The following RASGRF1 variants were observed in gnomAD, a reference collection of about 807,000 sequenced individuals.
RASGRF1 encodes the protein ras-specific guanine nucleotide-releasing factor 1.
A neutral mutation model predicts 138.7 loss-of-function variants in RASGRF1; 40 were observed. The observed-to-expected ratio is 0.29, with a 90% CI of 0.22 to 0.38. RASGRF1 has a LOEUF of 0.38. Ranked by LOEUF, RASGRF1 falls within the 10% of genes least tolerant of loss-of-function variation. RASGRF1 has a pLI of 1.00. For synonymous variants in RASGRF1, 614 were observed against 663.2 expected, an observed-to-expected ratio of 0.93 and a Z score of 1.14; for missense variants, 1,108 against 1,650.4, an observed-to-expected ratio of 0.67 and a Z score of 5.69.
chr15:79,090,579 C>T lies in RASGRF1; in HGVS notation c.-81G>A, dbSNP rs970478278. The T allele has an allele frequency of 1.9e-6, 3 of 1,557,074 alleles. No individual in the cohort carries two copies. The highest frequency in any genetic ancestry group is 2.4e-5 in the South Asian group (2 of 84,218). ...CCCCGTCCGTGCGCGCTGCGCGCTG[C>T]CTCTCTCTGGCGCTCGCTCGCTCGC... On this transcript the variant is annotated 5_prime_UTR_variant, in exon 1 of 27. Transcript: ENST00000558480.
At chr15:78,997,460 T>C (rs969753361) in intron 19 of RASGRF1, among the ~76,000 whole-genome samples, 3 of 152,140 alleles carry the variant, frequency 2.0e-5, no homozygotes, top group African/African-American at 7.2e-5. Context: ...AGGCCGGGCA[T>C]AGTGGCTCAT....
intron 5 of RASGRF1, among the ~76,000 whole-genome samples, chr15:79,040,793 C>G (rs2057287943): frequency 6.6e-6 from 1 of 152,180 alleles, no homozygotes; most frequent in Non-Finnish European, 1.5e-5. Context: ...TTTAAAATGC[C>G]AAGTTCATTG....
intron 16 of RASGRF1, among the ~76,000 whole-genome samples, chr15:79,000,922 G>A (rs1398560142): frequency 2.0e-5 from 3 of 152,140 alleles, no homozygotes; most frequent in Admixed American, 6.5e-5. Flanking sequence ...GGCTGCAGGC[G>A]GCCCTTTGCA....
chr15:79,057,363 C>T (rs1304535038), intron 3 of RASGRF1, among the ~76,000 whole-genome samples: 1 of 152,234 alleles, frequency 6.6e-6, no homozygotes, highest in Non-Finnish European at 1.5e-5. Context: ...TGCCTGTCTG[C>T]CATGAGTCAA....
intron 1 of RASGRF1, among the ~76,000 whole-genome samples, chr15:79,079,114 C>T (rs532700005): frequency 5.3e-5 from 8 of 152,230 alleles, no homozygotes; most frequent in Non-Finnish European, 7.3e-5. Context: ...CTTCTGTCTG[C>T]GGAAGGGTCT....
chr15:79,082,922 G>A lies in RASGRF1; in HGVS notation c.276+7301C>T, dbSNP rs138019444. Among the ~76,000 whole-genome samples, 1,039 of 152,284 alleles carry A rather than the reference G, an allele frequency of 6.8e-3. 14 individuals carry two copies. Among genetic ancestry groups the A allele is most frequent in the African/African-American group, 0.024 (1,008 of 41,554 alleles). ...CACTGCTATAGTGAGGAACAGTCTT[G>A]TCATAAAGGTGGAAGCCAAAGCCCC... On this transcript the variant is annotated intron_variant, in intron 1 of 26. Coordinates refer to ENST00000558480, the MANE Select transcript of RASGRF1 (RefSeq NM_001145648.3).
intron 3 of RASGRF1, among the ~76,000 whole-genome samples, chr15:79,052,761 A>C (rs2057449730): frequency 6.6e-6 from 1 of 152,134 alleles, no homozygotes; most frequent in African/African-American, 2.4e-5. Flanking sequence ...ATATGAACAA[A>C]GGCATGGGTG....
intron 14 of RASGRF1, chr15:79,005,646 A>G (rs1365758988): frequency 1.0e-6 from 1 of 991,258 alleles, no homozygotes; most frequent in African/African-American, 1.7e-5. Flanking sequence ...ACTCACCCCA[A>G]GTAGGCCAAA....
intron 13 of RASGRF1, among the ~76,000 whole-genome samples, chr15:79,009,461 G>C (rs2056749510): frequency 6.6e-6 from 1 of 152,160 alleles, no homozygotes; most frequent in South Asian, 2.1e-4. Context: ...TGGGCTGCAT[G>C]TTTCAGAGGG....
intron 2 of RASGRF1, 67 bp downstream of exon 2, chr15:79,064,353 C>T: frequency 6.7e-7 from 1 of 1,482,124 alleles, no homozygotes; most frequent in Non-Finnish European, 9.3e-7. Context: ...TTCAAAGGCC[C>T]TTGGGTCTGG....
intron 12 of RASGRF1, among the ~76,000 whole-genome samples, chr15:79,017,082 T>C (rs2056889501): frequency 6.6e-6 from 1 of 152,226 alleles, no homozygotes; most frequent in Admixed American, 6.5e-5. Flanking sequence ...ACCCCGGTGC[T>C]GCTGACAGCC....
intron 19 of RASGRF1, 75 bp from the exon 20 acceptor site, chr15:78,995,875 C>A (rs1368587442): frequency 9.0e-6 from 13 of 1,443,172 alleles, no homozygotes; most frequent in Non-Finnish European, 1.1e-5. Flanking sequence ...GACAGCCCCA[C>A]ACGGCCTCTG....
intron 15 of RASGRF1, among the ~76,000 whole-genome samples, chr15:79,002,825 G>A (rs1227168016): frequency 1.3e-5 from 2 of 152,164 alleles, no homozygotes; most frequent in African/African-American, 2.4e-5. Context: ...CTCTGCTGGG[G>A]GTGCCCTCTG....
chr15:78,976,975 G>C (rs981062478), intron 24 of RASGRF1, among the ~76,000 whole-genome samples: 3 of 152,208 alleles, frequency 2.0e-5, no homozygotes, highest in African/African-American at 7.2e-5. Context: ...CCTCGCTGTC[G>C]CACTCCCATG....
At chr15:78,979,447 CG>C (rs1383443833) in intron 24 of RASGRF1, 1 of 202,862 alleles carries the variant, frequency 4.9e-6, no homozygotes, top group Non-Finnish European at 1.0e-5. Context: ...CACCAGGAAG[CG>C]GGGAGAGGCT....
Position 79,046,687 on chromosome 15 carries a change from G to C in RASGRF1, c.878+59C>G. Reference sequence around the variant, plus strand: ...ACGTGAGAGAGTGTGTCAAAGCTTAGCTGCGGCCAATGCTCACTAGTCTCC... The same window carrying C: ...ACGTGAGAGAGTGTGTCAAAGCTTACCTGCGGCCAATGCTCACTAGTCTCC... On this transcript the variant is annotated intron_variant, in intron 5 of 26. Transcript: ENST00000558480. The surrounding 1 kb of genome is among the most constrained non-coding windows in gnomAD (Gnocchi z 5.3). The C allele has an allele frequency of 6.3e-7, 1 of 1,596,960 alleles. No individual in the cohort carries two copies. The highest frequency in any genetic ancestry group is 8.6e-7 in the Non-Finnish European group (1 of 1,167,404).
At chr15:79,087,674 C>A (rs1388751669) in intron 1 of RASGRF1, among the ~76,000 whole-genome samples, 1 of 152,192 alleles carries the variant, frequency 6.6e-6, no homozygotes, top group Non-Finnish European at 1.5e-5. Context: ...CCATGGGGCA[C>A]CCAAGTCAAA....
chr15:78,972,026 C>G (rs576619345), intron 25 of RASGRF1, 92 bp from the exon 26 acceptor site: 5 of 1,089,194 alleles, frequency 4.6e-6, no homozygotes, highest in East Asian at 4.7e-5. Context: ...ACAACTAAAT[C>G]TGAAGTCAGC....
intron 20 of RASGRF1, among the ~76,000 whole-genome samples, chr15:78,993,470 C>A (rs2056325203): frequency 6.6e-6 from 1 of 151,806 alleles, no homozygotes; most frequent in South Asian, 2.1e-4. Flanking sequence ...TGTAGAGAAA[C>A]CCAGGTGCAG....
Sources: allele counts gnomAD v4.1 joint callset (sites outside exome capture counted in the v4.1 genomes callset), GRCh38; gene constraint gnomAD v4.1.1; non-coding constraint Gnocchi (gnomAD v3.1); transcripts MANE v1.5; gene names NCBI Gene and HGNC (gene_info 2026-07-23, HGNC 2026-07-21).